MLPH: variants seen among roughly 807,000 people sequenced by gnomAD.
The protein encoded by MLPH is exophilin-3.
MLPH carries 51 observed loss-of-function variants against 72.1 expected under a neutral mutation model. That is an observed-to-expected ratio of 0.71 (90% CI 0.56 to 0.89). MLPH has a LOEUF of 0.89. MLPH is among the 40% of genes least tolerant of loss of function. The pLI, the probability that MLPH is intolerant of heterozygous loss-of-function variation, is 0.00. For synonymous variants in MLPH, 301 were observed against 310.1 expected, an observed-to-expected ratio of 0.97 and a Z score of 0.31; for missense variants, 743 against 759.9, an observed-to-expected ratio of 0.98 and a Z score of 0.26.
chr2:237,546,747 G>A (rs2080927458), intron 13 of MLPH, 64 bp downstream of exon 13: 1 of 1,399,212 alleles, frequency 7.1e-7, no homozygotes, highest in Non-Finnish European at 1.0e-6. Context: ...CCCCTTTCCA[G>A]CAGTGTGGCA....
At chr2:237,520,157 A>C (rs972030359) in intron 6 of MLPH, 128 bp downstream of exon 6, 3 of 1,247,542 alleles carry the variant, frequency 2.4e-6, no homozygotes, top group Non-Finnish European at 3.4e-6. Flanking sequence ...CTGGCTCCCA[A>C]GGCATGACAG....
rs1425782458 is a variant in MLPH at position 237,540,503 on chromosome 2, A to G, written c.1260A>G (p.Ser420=). The G allele has an allele frequency of 1.2e-6, 2 of 1,612,466 alleles. No homozygotes were observed. Among genetic ancestry groups the G allele is most frequent in the Non-Finnish European group, 1.7e-6 (2 of 1,179,906 alleles). The part of the protein sequence containing the change: ...DEKAEPNRDK[S]VGPLPQADPE... ...AGGCAGAGCCCAACAGGGACAAATC[A>G]GTTGGGCCTCTCCCCCAGGCGGACC... The change falls in exon 10 of 16, where the codon TCA becomes TCG. Residue 420 remains serine, a synonymous_variant. Transcript: ENST00000264605.
intron 7 of MLPH, 65 bp from the exon 8 acceptor site, chr2:237,527,312 C>A (rs776913099): frequency 5.3e-5 from 85 of 1,604,476 alleles, no homozygotes; most frequent in Non-Finnish European, 7.0e-5. Flanking sequence ...CTTCATTGGA[C>A]TAAACACGTC....
chr2:237,506,007 C>T (rs2079761811), intron 2 of MLPH, among the ~76,000 whole-genome samples: 1 of 152,220 alleles, frequency 6.6e-6, no homozygotes, highest in African/African-American at 2.4e-5. Flanking sequence ...CCATCATCTC[C>T]CCACTGTCTC....
Position 237,520,907 on chromosome 2 carries a change from T to C in MLPH, c.675+878T>C, listed in dbSNP as rs547883792. ...TATGGTGAATTGTGGCTGAATAAAATCCTAGTATGTTGGAGAAGTTAAATA... is the reference window on the plus strand; with the variant it reads ...TATGGTGAATTGTGGCTGAATAAAACCCTAGTATGTTGGAGAAGTTAAATA... On this transcript the variant is annotated intron_variant, in intron 6 of 15. Coordinates refer to ENST00000264605, the MANE Select transcript of MLPH (RefSeq NM_024101.7). 1.8e-4 allele frequency among the ~76,000 whole-genome samples: 28 copies of C among 152,306 alleles called. No individual in the cohort carries two copies. The East Asian group carries it at 5.2e-3, about 28-fold the overall frequency.
At chr2:237,488,610 C>T (rs2079367656) in intron 1 of MLPH, among the ~76,000 whole-genome samples, 2 of 152,180 alleles carry the variant, frequency 1.3e-5, no homozygotes, top group South Asian at 4.1e-4. Flanking sequence ...GCTCTAAGAA[C>T]AGTAGCAGGT....
At chr2:237,499,741 AC>A (rs770881825) in intron 2 of MLPH, among the ~76,000 whole-genome samples, 15 of 152,122 alleles carry the variant, frequency 9.9e-5, no homozygotes, top group Non-Finnish European at 1.9e-4. Context: ...ATCCCATTTT[AC>A]TTTTTTTTTG....
rs1248841099 is a variant in MLPH at position 237,493,409 on chromosome 2, C to A, written c.-18C>A. On this transcript the variant is annotated 5_prime_UTR_variant, in exon 2 of 16. Coordinates refer to ENST00000264605, the MANE Select transcript of MLPH (RefSeq NM_024101.7). ...TGATCCTGTGACATTCCAGGTGTGA[C>A]CCCGACAAGAAGCAGAAATGGGGAA... The A allele has an allele frequency of 1.2e-6, 2 of 1,601,166 alleles. No individual in the cohort carries two copies. The highest frequency in any genetic ancestry group is 1.6e-4 in the Middle Eastern group (1 of 6,068).
At chr2:237,545,525 A>G in intron 12 of MLPH, 1 of 1,289,086 alleles carries the variant, frequency 7.8e-7, no homozygotes, top group Non-Finnish European at 1.0e-6. Flanking sequence ...ACAGTGTAAA[A>G]TCCAAAAGGA....
At chr2:237,540,214 TG>T in intron 9 of MLPH, 133 bp from the exon 10 acceptor site, 2 of 970,830 alleles carry the variant, frequency 2.1e-6, no homozygotes, top group Non-Finnish European at 3.1e-6. Context: ...CAAGCTGGCA[TG>T]GAGAAGGGAG....
Position 237,487,694 on chromosome 2 carries a change from G to T in MLPH, c.-25+257G>T, listed in dbSNP as rs368142611. On this transcript the variant is annotated intron_variant, in intron 1 of 15. Transcript: ENST00000264605. The stretch of plus-strand genomic sequence containing the variant: ...CACGGGTGGGAGTGGGATGGCGGGG[G>T]ATCCCCATTTTGGGCAAAACGGTTG... 3.3e-5 allele frequency among the ~76,000 whole-genome samples: 5 copies of T among 152,220 alleles called. No homozygotes were observed. The East Asian group carries it at 5.8e-4, about 18-fold the overall frequency.
chr2:237,538,155 G>A (rs776756766), intron 9 of MLPH, among the ~76,000 whole-genome samples: 16 of 152,200 alleles, frequency 1.1e-4, no homozygotes, highest in African/African-American at 3.6e-4. Context: ...ACAAAAACGC[G>A]GGCCTTGTGG....
At chr2:237,516,944 GGT>G (rs2080042612) in intron 4 of MLPH, among the ~76,000 whole-genome samples, 1 of 111,070 alleles carries the variant, frequency 9.0e-6, no homozygotes, top group African/African-American at 4.7e-5. Context: ...TGGATGGATA[GGT>G]GGATAGGTGG....
At position 237,510,989 on chromosome 2, in the gene MLPH, A is replaced by G. The variant is rs775891378; in HGVS notation, c.333A>G (p.Arg111=). Residue 111 remains arginine, a splice_region_variant and synonymous_variant, in exon 4 of 16, where the codon AGA becomes AGG. Transcript: ENST00000264605. This position sits in a 1 kb window ranked among gnomAD's most constrained non-coding sequence, Gnocchi z 4.4. ...CATGAGCCTGTGCTTGTCCCTGCAG[A>G]GTCGTGAAGATCGGCTCACTGGAGT... The part of the protein sequence containing the change: ...GWICDPCHLA[R]VVKIGSLEWY... The G allele has an allele frequency of 1.9e-6, 3 of 1,613,400 alleles. No individual in the cohort carries two copies. Among genetic ancestry groups the G allele is most frequent in the Non-Finnish European group, 1.7e-6 (2 of 1,179,802 alleles).
chr2:237,496,540 A>T (rs1206183362), intron 2 of MLPH, among the ~76,000 whole-genome samples: 4 of 152,190 alleles, frequency 2.6e-5, no homozygotes, highest in African/African-American at 9.7e-5. Flanking sequence ...GTCACCTCTC[A>T]GTACTCTTAG....
intron 4 of MLPH, among the ~76,000 whole-genome samples, chr2:237,516,271 T>A (rs1045608919): frequency 1.3e-5 from 2 of 152,138 alleles, no homozygotes; most frequent in Non-Finnish European, 2.9e-5. Flanking sequence ...CTAAATCACT[T>A]GCCACAGCCA....
intron 13 of MLPH, among the ~76,000 whole-genome samples, chr2:237,548,558 C>T (rs2080965734): frequency 6.6e-6 from 1 of 152,032 alleles, no homozygotes; most frequent in Non-Finnish European, 1.5e-5. Context: ...AGGAGGAGAC[C>T]GAGGTTCAGA....
At chr2:237,507,860 T>C (rs1420407701) in intron 2 of MLPH, among the ~76,000 whole-genome samples, 1 of 152,220 alleles carries the variant, frequency 6.6e-6, no homozygotes, top group Non-Finnish European at 1.5e-5. Flanking sequence ...CATCTCTCTG[T>C]TGTTCTCTCA....
chr2:237,515,107 G>A (rs888637360), intron 4 of MLPH, among the ~76,000 whole-genome samples: 12 of 152,220 alleles, frequency 7.9e-5, no homozygotes, highest in African/African-American at 2.9e-4. Context: ...CCATGTAAAA[G>A]ATCACTGCTG....
Sources: gnomAD v4.1 joint callset for allele counts (sites outside exome capture counted in the v4.1 genomes callset) on GRCh38, gnomAD v4.1.1 for gene constraint, Gnocchi (gnomAD v3.1) non-coding constraint, MANE v1.5 for transcripts, NCBI Gene and HGNC (gene_info 2026-07-23, HGNC 2026-07-21) for gene names.